The following SPAG17 variants were observed in gnomAD, a reference collection of about 807,000 sequenced individuals.
SPAG17 encodes the protein sperm associated antigen 17, also known as sperm-associated antigen 17.
SPAG17 carries 169 observed loss-of-function variants against 273.6 expected under a neutral mutation model. The observed-to-expected ratio is 0.62, with a 90% CI of 0.55 to 0.70. SPAG17 has a LOEUF of 0.70. Among genes scored for constraint, SPAG17 ranks in the 30% least tolerant of loss-of-function variants. The pLI is 0.00. For synonymous variants in SPAG17, 825 were observed against 873.2 expected, an observed-to-expected ratio of 0.94 and a Z score of 0.97; for missense variants, 2,557 against 2,627.8, an observed-to-expected ratio of 0.97 and a Z score of 0.59.
At chr1:118,060,795 T>G (rs1002795705) in intron 18 of SPAG17, among the ~76,000 whole-genome samples, 1 of 152,156 alleles carries the variant, frequency 6.6e-6, no homozygotes, top group Non-Finnish European at 1.5e-5. Context: ...GGGTACAGTA[T>G]TCTCAATTGT....
Position 117,996,465 on chromosome 1 carries a change from T to A in SPAG17, c.4958A>T (p.Glu1653Val). The change falls in exon 34 of 49, where the codon GAA becomes GTA. Residue 1653 changes from glutamate to valine, a missense_variant. Coordinates refer to ENST00000336338, the MANE Select transcript of SPAG17 (RefSeq NM_206996.4). ...FVMYADGSGM[E>V]LLRDSDIEEY... The stretch of plus-strand genomic sequence containing the variant: ...TTCTATGTCACTGTCTCGAAGAAGT[T>A]CCATTCCTGATCCATCAGCATACAT... The A allele has an allele frequency of 3.1e-6, 5 of 1,613,146 alleles. 1 individual carries two copies. In the South Asian group the frequency reaches 5.5e-5, roughly 18 times the overall value.
At chr1:118,178,041 A>G (rs1349123695) in intron 1 of SPAG17, among the ~76,000 whole-genome samples, 1 of 152,142 alleles carries the variant, frequency 6.6e-6, no homozygotes, top group Non-Finnish European at 1.5e-5. Context: ...AATTGAGAAA[A>G]AGAGAATACT....
chr1:118,124,446 A>G (rs1270760718), intron 3 of SPAG17, among the ~76,000 whole-genome samples: 3 of 152,228 alleles, frequency 2.0e-5, no homozygotes, highest in Non-Finnish European at 4.4e-5. Context: ...ATCCCCTCAC[A>G]GAATCTGATG....
chr1:118,163,373 C>G (rs1660019173), intron 1 of SPAG17, among the ~76,000 whole-genome samples: 4 of 152,096 alleles, frequency 2.6e-5, no homozygotes. Context: ...TCCTGCTTGT[C>G]CACTGTCTGT....
At position 118,039,214 on chromosome 1, in the gene SPAG17, G is replaced by A. The variant is rs536860252; in HGVS notation, c.3319+78C>T. The A allele has an allele frequency of 6.8e-5, 95 of 1,402,958 alleles. No individual in the cohort carries two copies. The African/African-American group carries it at 1.3e-3, about 20-fold the overall frequency. 86.9% of individuals were successfully genotyped at this position (1,402,958 alleles called of 1,614,324 possible). On this transcript the variant is annotated intron_variant, in intron 23 of 48. Transcript: ENST00000336338. ...ACTTGAGAAAAAGAACATGCAATAA[G>A]CCATTCATTTAATGGAGTGGAGTGG...
rs113811786 is a variant in SPAG17 at position 118,042,756 on chromosome 1, T to C, written c.2815-714A>G. On this transcript the variant is annotated intron_variant, in intron 20 of 48. Transcript: ENST00000336338. ...CCATTTACATAGAGCATACCCCAAG[T>C]AACCAATGGAATCCTCTAGTGGGTA... is the stretch of plus-strand genomic sequence containing the variant. 7.1e-3 allele frequency among the ~76,000 whole-genome samples: 1,075 copies of C among 152,288 alleles called. 12 individuals are homozygous for C. Among genetic ancestry groups the C allele is most frequent in the African/African-American group, 0.018 (729 of 41,560 alleles).
intron 29 of SPAG17, among the ~76,000 whole-genome samples, chr1:118,013,836 C>T (rs1659710183): frequency 6.6e-6 from 1 of 152,056 alleles, no homozygotes; most frequent in Non-Finnish European, 1.5e-5. Flanking sequence ...TTTCTGAATG[C>T]CTGTTAGTGC....
At chr1:118,069,791 T>C (rs190144812) in intron 17 of SPAG17, among the ~76,000 whole-genome samples, 1 of 152,124 alleles carries the variant, frequency 6.6e-6, no homozygotes, top group African/African-American at 2.4e-5. Context: ...ACTTCCATAT[T>C]AGATGCTGGG....
At chr1:118,146,423 G>T (rs1293592203) in intron 3 of SPAG17, among the ~76,000 whole-genome samples, 1 of 152,206 alleles carries the variant, frequency 6.6e-6, no homozygotes, top group East Asian at 1.9e-4. Flanking sequence ...GTATACTTAA[G>T]TTCAGGCATG....
intron 3 of SPAG17, among the ~76,000 whole-genome samples, chr1:118,148,930 TTCCCCTCTTC>T (rs1254370294): frequency 6.6e-6 from 1 of 152,180 alleles, no homozygotes; most frequent in African/African-American, 2.4e-5. Flanking sequence ...ATGGGAAATA[TTCCCCTCTTC>T]TCCAGATGTG....
chr1:117,996,758 A>T lies in SPAG17; in HGVS notation c.4777-15T>A, dbSNP rs768365269. ...TCAGCCATGACCTAAGGGATAAAGTATGTAAGCAACTAAAAGAAAAGAAAG... is the reference window on the plus strand; with the variant it reads ...TCAGCCATGACCTAAGGGATAAAGTTTGTAAGCAACTAAAAGAAAAGAAAG... On this transcript the variant is annotated splice_polypyrimidine_tract_variant and intron_variant, in intron 32 of 48. Coordinates refer to ENST00000336338, the MANE Select transcript of SPAG17 (RefSeq NM_206996.4). 2 of 1,578,148 alleles carry T rather than the reference A, an allele frequency of 1.3e-6. No individual in the cohort carries two copies. The highest frequency in any genetic ancestry group is 8.6e-7 in the Non-Finnish European group (1 of 1,168,612).
chr1:117,988,251 G>GCAAC (rs745799000), intron 38 of SPAG17, 47 bp from the exon 39 acceptor site: 4 of 1,354,590 alleles, frequency 3.0e-6, no homozygotes, highest in South Asian at 2.9e-5. Flanking sequence ...TCTTTATAGG[G>GCAAC]CAACACACAA....
chr1:118,022,288 A>G (rs567882818), intron 28 of SPAG17, among the ~76,000 whole-genome samples: 2 of 152,290 alleles, frequency 1.3e-5, no homozygotes, highest in South Asian at 4.1e-4. Context: ...AGCTGATTTA[A>G]TATTTGAAAT....
chr1:117,993,824 G>C (rs1051732765), intron 35 of SPAG17, among the ~76,000 whole-genome samples: 6 of 152,166 alleles, frequency 3.9e-5, no homozygotes, highest in South Asian at 2.1e-4. Flanking sequence ...AATTATGCAA[G>C]ATGCAGGACT....
chr1:117,972,898 G>A (rs1654726467), intron 44 of SPAG17, among the ~76,000 whole-genome samples: 1 of 152,114 alleles, frequency 6.6e-6, no homozygotes, highest in African/African-American at 2.4e-5. Flanking sequence ...AGAATGAAGA[G>A]AAATCTACAA....
At chr1:118,164,412 GTC>G (rs1660066337) in intron 1 of SPAG17, among the ~76,000 whole-genome samples, 1 of 17,566 alleles carries the variant, frequency 5.7e-5, no homozygotes, top group African/African-American at 3.2e-4. Context: ...AAATTTGTCA[GTC>G]AGTCTGAAGT....
At chr1:117,995,714 AC>A (rs1657578317) in intron 34 of SPAG17, among the ~76,000 whole-genome samples, 4 of 150,964 alleles carry the variant, frequency 2.6e-5, no homozygotes, top group African/African-American at 9.7e-5. Context: ...ACACACACAC[AC>A]ACACACACAC....
chr1:117,970,720 C>G (rs1399257306), intron 45 of SPAG17, among the ~76,000 whole-genome samples: 2 of 152,216 alleles, frequency 1.3e-5, no homozygotes, highest in Non-Finnish European at 2.9e-5. Flanking sequence ...TGCCTCCACT[C>G]TGACCCCAAC....
At chr1:118,057,267 A>G (rs1651804326) in intron 18 of SPAG17, among the ~76,000 whole-genome samples, 1 of 152,136 alleles carries the variant, frequency 6.6e-6, no homozygotes, top group South Asian at 2.1e-4. Flanking sequence ...CACCACCTTT[A>G]CTGTTATTGG....
Sources: allele counts gnomAD v4.1 joint callset (sites outside exome capture counted in the v4.1 genomes callset), GRCh38; gene constraint gnomAD v4.1.1; transcripts MANE v1.5; gene names NCBI Gene and HGNC (gene_info 2026-07-23, HGNC 2026-07-21).